Variants in PDE8A observed in about 807,000 individuals in gnomAD.
PDE8A encodes high affinity cAMP-specific and IBMX-insensitive 3',5'-cyclic phosphodiesterase 8A.
Under a neutral mutation model 105.0 loss-of-function variants are expected in PDE8A, and 59 were observed. The ratio of observed to expected loss-of-function variants is 0.56; its 90% CI spans 0.46 to 0.70. The LOEUF (loss-of-function observed/expected upper bound fraction) is 0.70, where lower values mean the gene tolerates loss of function less well. Ranked by LOEUF, PDE8A falls within the 30% of genes least tolerant of loss-of-function variation. The probability of loss-of-function intolerance (pLI) is 0.00; values close to 1 mark genes in which losing one functional copy is unlikely to be tolerated. For synonymous variants in PDE8A, 355 were observed against 371.9 expected (o/e 0.95, Z 0.52); for missense variants, 1,014 against 1,045.9 (o/e 0.97, Z 0.42).
intron 1 of PDE8A, among the ~76,000 whole-genome samples, chr15:85,042,845 A>G (rs2080831528): frequency 6.6e-6 from 1 of 152,220 alleles, no homozygotes; most frequent in Admixed American, 6.5e-5. Flanking sequence ...AAGTGAAGAA[A>G]CTCACAGTTT....
chr15:85,004,098 C>G (rs567120803), intron 1 of PDE8A, among the ~76,000 whole-genome samples: 2 of 152,276 alleles, frequency 1.3e-5, no homozygotes, highest in Admixed American at 1.3e-4. Context: ...AGCTGTGTGC[C>G]CAATAAGAAG....
chr15:85,060,894 C>T (rs1233592624), intron 1 of PDE8A, among the ~76,000 whole-genome samples: 2 of 152,130 alleles, frequency 1.3e-5, no homozygotes, highest in Non-Finnish European at 2.9e-5. Flanking sequence ...ATCTTTATTT[C>T]TTCAGACAGC....
chr15:85,006,267 T>A (rs7183199), intron 1 of PDE8A, among the ~76,000 whole-genome samples: 119,568 of 151,666 alleles, frequency 0.79, 47,369 homozygotes, highest in Non-Finnish European at 0.83. Flanking sequence ...GTATTATTAT[T>A]ATAATAATAA....
chr15:85,055,190 T>C (rs1391147860), intron 1 of PDE8A, among the ~76,000 whole-genome samples: 2 of 152,238 alleles, frequency 1.3e-5, no homozygotes, highest in Non-Finnish European at 2.9e-5. Flanking sequence ...TTTGTTATAA[T>C]TTCTGTTCTT....
At chr15:84,981,232 C>T (rs1193587759), upstream of PDE8A, among the ~76,000 whole-genome samples, 1 of 152,192 alleles carries the variant, frequency 6.6e-6, no homozygotes, top group Non-Finnish European at 1.5e-5. Flanking sequence ...AGTCGGGCGC[C>T]CCGCCTGTCG....
chr15:85,123,635 G>A (rs1596542125), intron 19 of PDE8A, among the ~76,000 whole-genome samples: 1 of 152,110 alleles, frequency 6.6e-6, no homozygotes, highest in East Asian at 1.9e-4. Context: ...ACCAGATTAA[G>A]GGTGGATCTG....
intron 14 of PDE8A, among the ~76,000 whole-genome samples, chr15:85,114,622 C>T (rs141560036): frequency 6.6e-6 from 1 of 152,304 alleles, no homozygotes; most frequent in East Asian, 1.9e-4. Context: ...CAGATTATTC[C>T]ATTGCTCTCT....
chr15:84,986,908 C>T (rs374616913), intron 1 of PDE8A, among the ~76,000 whole-genome samples: 35 of 152,270 alleles, frequency 2.3e-4, no homozygotes, highest in African/African-American at 7.2e-4. Context: ...GGTTACTGTG[C>T]CCAACTGATT....
At position 85,138,344 on chromosome 15, in the gene PDE8A, T is replaced by G. The variant is rs2082446272; in HGVS notation, c.*441T>G. ...ATCATAGAAGGTGCAATCGCTCACT[T>G]GGGAACACTACTGAGAGTGACTTCT... On this transcript the variant is annotated 3_prime_UTR_variant, in exon 22 of 22. Transcript: ENST00000394553. 6.5e-6 allele frequency: 1 copy of G among 154,024 alleles called. No individual in the cohort carries two copies. The highest frequency in any genetic ancestry group is 2.1e-4 in the South Asian group (1 of 4,856). The allele number at this position is 154,024 out of a possible 1,614,324, so 9.5% of individuals were successfully genotyped here. A position where few individuals can be genotyped will look rare whatever the true frequency, so the allele number is the denominator to read the frequency against.
chr15:85,065,221 A>G (rs1056845562), intron 2 of PDE8A, among the ~76,000 whole-genome samples: 1 of 151,840 alleles, frequency 6.6e-6, no homozygotes, highest in Non-Finnish European at 1.5e-5. Flanking sequence ...TGTCAGAGAG[A>G]AGATATCTGT....
At position 84,992,681 on chromosome 15, in the gene PDE8A, G is replaced by T. The variant is rs376619769; in HGVS notation, c.186+10333G>T. Among the ~76,000 whole-genome samples, 5 of 152,096 alleles carry T rather than the reference G, an allele frequency of 3.3e-5. No individual in the cohort carries two copies. In the East Asian group the frequency reaches 9.6e-4, roughly 29 times the overall value. Reference sequence around the variant, plus strand: ...TAGTGCAGTAGTTTGGGAGAGGAGGGAATGAGAGAAGGAAAAACTGACTAG... The same window carrying T: ...TAGTGCAGTAGTTTGGGAGAGGAGGTAATGAGAGAAGGAAAAACTGACTAG... On this transcript the variant is annotated intron_variant, in intron 1 of 21. Transcript: ENST00000394553.
chr15:85,014,797 GC>G (rs754237501), intron 1 of PDE8A, among the ~76,000 whole-genome samples: 1 of 151,940 alleles, frequency 6.6e-6, no homozygotes, highest in African/African-American at 2.4e-5. Context: ...TCATATACTC[GC>G]CCTTATAAAG....
chr15:85,058,481 ATTAG>A lies in PDE8A; in HGVS notation c.187-5886_187-5883del, dbSNP rs759481299. On this transcript the variant is annotated intron_variant, in intron 1 of 21. Transcript: ENST00000394553. Reference sequence around the variant, plus strand: ...TTTGTAAAAGTTTGAGAAGGATTGTATTAGTTCTTTAAATGCTTGGTAGAATTCA... The same window carrying A: ...TTTGTAAAAGTTTGAGAAGGATTGTATTCTTTAAATGCTTGGTAGAATTCA... 4.6e-5 allele frequency among the ~76,000 whole-genome samples: 7 copies of A among 152,166 alleles called. No individual in the cohort carries two copies. The East Asian group carries it at 9.6e-4, about 21-fold the overall frequency.
At chr15:85,128,499 AAAAAG>A (rs138973417) in intron 20 of PDE8A, among the ~76,000 whole-genome samples, 2,868 of 152,296 alleles carry the variant, frequency 0.019, 66 homozygotes, top group African/African-American at 0.055. Context: ...GTGTCTTAAT[AAAAAG>A]AAAAGAGCAA....
chr15:85,020,511 CG>C (rs2080407056), intron 1 of PDE8A, among the ~76,000 whole-genome samples: 1 of 152,120 alleles, frequency 6.6e-6, no homozygotes, highest in African/African-American at 2.4e-5. Flanking sequence ...GGCTGAGGCA[CG>C]GGAAGTGCTT....
intron 1 of PDE8A, among the ~76,000 whole-genome samples, chr15:85,060,681 A>G (rs1452432616): frequency 6.6e-6 from 1 of 152,206 alleles, no homozygotes; most frequent in Non-Finnish European, 1.5e-5. Flanking sequence ...ATACTTTCAA[A>G]TGTCTCTTAT....
At chr15:84,991,582 T>C (rs1044233334) in intron 1 of PDE8A, among the ~76,000 whole-genome samples, 5 of 152,330 alleles carry the variant, frequency 3.3e-5, no homozygotes, top group Admixed American at 2.0e-4. Flanking sequence ...CCCTGTGACA[T>C]AGCAGCTTCT....
chr15:85,018,463 A>G (rs529869046), intron 1 of PDE8A, among the ~76,000 whole-genome samples: 3 of 152,290 alleles, frequency 2.0e-5, no homozygotes, highest in African/African-American at 4.8e-5. Flanking sequence ...AGCAACGTCA[A>G]TCTCTAGTAT....
chr15:85,046,534 C>G (rs1369264165), intron 1 of PDE8A, among the ~76,000 whole-genome samples: 1 of 152,124 alleles, frequency 6.6e-6, no homozygotes, highest in African/African-American at 2.4e-5. Flanking sequence ...ATACCATGTA[C>G]TAGACACTGT....
Sources: gnomAD v4.1 joint callset for allele counts (sites outside exome capture counted in the v4.1 genomes callset) on GRCh38, gnomAD v4.1.1 for gene constraint, MANE v1.5 for transcripts, NCBI Gene and HGNC (gene_info 2026-07-23, HGNC 2026-07-21) for gene names.